The following RGS6 variants were observed in gnomAD, a reference collection of about 807,000 sequenced individuals.
RGS6 encodes regulator of G protein signaling 6.
RGS6 carries 30 observed loss-of-function variants against 78.5 expected under a neutral mutation model. The ratio of observed to expected loss-of-function variants is 0.38; its 90% CI spans 0.29 to 0.52. RGS6 has a LOEUF of 0.52. RGS6 is among the 20% of genes least tolerant of loss of function. The pLI is 0.85. For missense variants in RGS6, 495 were observed against 609.7 expected, an observed-to-expected ratio of 0.81 and a Z score of 1.98; for synonymous variants, 206 against 206.0, an observed-to-expected ratio of 1.00 and a Z score of 0.00.
the RGS6 span, among the ~76,000 whole-genome samples, chr14:71,888,418 C>CA: frequency 0.15 from 21,621 of 143,402 alleles, 2,744 homozygotes; most frequent in African/African-American, 0.34. Flanking sequence ...AGCTCTGTCT[C>CA]AAAAAAAAAA....
intron 8 of RGS6, among the ~76,000 whole-genome samples, chr14:72,470,879 C>CAAA (rs34084675): frequency 5.3e-5 from 6 of 112,524 alleles, no homozygotes; most frequent in African/African-American, 2.1e-4. Context: ...AACTCCCTCT[C>CAAA]AAAAAAAAAA....
chr14:72,544,888 C>T (rs1009031714), intron 17 of RGS6, among the ~76,000 whole-genome samples: 3 of 152,194 alleles, frequency 2.0e-5, no homozygotes, highest in Admixed American at 1.3e-4. Flanking sequence ...AGGTGCTGAC[C>T]GGAAGTGGAG....
intron 2 of RGS6, among the ~76,000 whole-genome samples, chr14:72,331,176 A>G (rs2074938176): frequency 6.8e-6 from 1 of 147,804 alleles, no homozygotes; most frequent in Admixed American, 6.9e-5. Context: ...CACCTGTTTC[A>G]TTTTCTCTTA....
intron 2 of RGS6, among the ~76,000 whole-genome samples, chr14:72,313,245 T>C (rs779097301): frequency 3.3e-5 from 5 of 152,124 alleles, no homozygotes; most frequent in African/African-American, 9.7e-5. Flanking sequence ...CAGTGCAAAA[T>C]GAAAATTCAG....
At position 72,364,991 on chromosome 14, in the gene RGS6, C is replaced by T. The variant is rs188863124; in HGVS notation, c.184+12797C>T. Among the ~76,000 whole-genome samples the T allele has an allele frequency of 2.1e-3, 321 of 152,284 alleles. 3 individuals are homozygous for T. The highest frequency in any genetic ancestry group is 7.4e-3 in the African/African-American group (306 of 41,546). ...TATCTTGCTGCAAGGCCCGTCTCTA[C>T]ACTGTCAAGTTACCACATTGAGTTG... On this transcript the variant is annotated intron_variant, in intron 3 of 17. Transcript: ENST00000553525.
chr14:72,111,212 A>G (rs947833901), intron 2 of RGS6, among the ~76,000 whole-genome samples: 1 of 152,200 alleles, frequency 6.6e-6, no homozygotes, highest in African/African-American at 2.4e-5. Context: ...AGTTACTGTA[A>G]AAAGAAATCG....
At position 72,397,664 on chromosome 14, in the gene RGS6, C is replaced by T. The variant is rs1253402823; in HGVS notation, c.184+45470C>T. ...GGAATGCTTCCAGTTTTTGTCCATT[C>T]AGTATGATATTGGCTGTGGGTTTGT... On this transcript the variant is annotated intron_variant, in intron 3 of 17. Coordinates refer to ENST00000553525, the MANE Select transcript of RGS6 (RefSeq NM_001204424.2). Among the ~76,000 whole-genome samples the T allele has an allele frequency of 5.3e-5, 8 of 152,296 alleles. No homozygotes were observed. In the South Asian group the frequency reaches 1.5e-3, roughly 28 times the overall value.
rs766016758 is a variant in RGS6 at position 72,562,419 on chromosome 14, A to C, written c.1425A>C (p.Gly475=). ...TSLEKFTRSV[G]KSLAGKRLTG... The stretch of plus-strand genomic sequence containing the variant: ...TCTCTGTCGCTGTCTCTCTGCAGGG[A>C]AAGTCGCTGGCGGGCAAGCGCCTCA... The change falls in exon 18 of 18, where the codon GGA becomes GGC. Residue 475 remains glycine, a splice_region_variant and synonymous_variant. Transcript: ENST00000553525. 1 of 1,612,820 alleles carries C rather than the reference A, an allele frequency of 6.2e-7. No homozygotes were observed. The highest frequency in any genetic ancestry group is 1.1e-5 in the South Asian group (1 of 91,086).
intron 2 of RGS6, among the ~76,000 whole-genome samples, chr14:72,213,995 T>C (rs1444252330): frequency 6.6e-6 from 1 of 152,122 alleles, no homozygotes; most frequent in Non-Finnish European, 1.5e-5. Flanking sequence ...TAGTTGTCAG[T>C]GAGGCCAATT....
rs548194753 is a variant in RGS6 at position 72,435,401 on chromosome 14, C to T, written c.185-19127C>T. 6.6e-3 allele frequency among the ~76,000 whole-genome samples: 1,003 copies of T among 152,288 alleles called. 10 individuals are homozygous for T. Among genetic ancestry groups the T allele is most frequent in the African/African-American group, 0.023 (947 of 41,548 alleles). ...CCTGCTTTGGCTGAGCACCTTGTTG[C>T]CCAGAATTAAACACTGTTTTACCAG... On this transcript the variant is annotated intron_variant, in intron 3 of 17. Coordinates refer to ENST00000553525, the MANE Select transcript of RGS6 (RefSeq NM_001204424.2).
the RGS6 span, among the ~76,000 whole-genome samples, chr14:72,607,456 C>G: frequency 6.6e-6 from 1 of 152,222 alleles, no homozygotes; most frequent in African/African-American, 2.4e-5. Flanking sequence ...TGCATGTGGA[C>G]TCTGCCCCCC....
intron 2 of RGS6, among the ~76,000 whole-genome samples, chr14:72,255,224 G>C (rs1374980339): frequency 1.3e-5 from 2 of 152,178 alleles, no homozygotes; most frequent in African/African-American, 2.4e-5. Context: ...CATAGAGGCT[G>C]TCCCCGGTTG....
intron 3 of RGS6, among the ~76,000 whole-genome samples, chr14:72,430,928 G>T (rs1354600670): frequency 6.6e-6 from 1 of 152,098 alleles, no homozygotes; most frequent in Admixed American, 6.5e-5. Context: ...CCTTTGTTCT[G>T]CTCTGCTTCA....
chr14:72,490,756 G>T lies in RGS6; in HGVS notation c.855-4396G>T, dbSNP rs545281692. Among the ~76,000 whole-genome samples the T allele has an allele frequency of 2.0e-5, 3 of 152,310 alleles. No individual in the cohort carries two copies. The South Asian group carries it at 6.2e-4, about 32-fold the overall frequency. ...CCTGGGACAGCGAGGAGGCTCTGAGGTGTCCGAAAATTTACATCCATCTTC... is the reference window on the plus strand; with the variant it reads ...CCTGGGACAGCGAGGAGGCTCTGAGTTGTCCGAAAATTTACATCCATCTTC... On this transcript the variant is annotated intron_variant, in intron 12 of 17. Coordinates refer to ENST00000553525, the MANE Select transcript of RGS6 (RefSeq NM_001204424.2).
At chr14:72,576,291 T>C in the RGS6 span, among the ~76,000 whole-genome samples, 1 of 152,210 alleles carries the variant, frequency 6.6e-6, no homozygotes, top group Non-Finnish European at 1.5e-5. Flanking sequence ...TACCCACATA[T>C]GGAGTTCCCA....
chr14:72,065,040 G>A (rs534332332), intron 2 of RGS6, among the ~76,000 whole-genome samples: 8 of 151,976 alleles, frequency 5.3e-5, no homozygotes, highest in South Asian at 2.1e-4. Context: ...TAAAATCCGC[G>A]GTGTTTTCAC....
chr14:72,487,900 G>C (rs1328068004), intron 12 of RGS6, among the ~76,000 whole-genome samples: 1 of 152,056 alleles, frequency 6.6e-6, no homozygotes, highest in Non-Finnish European at 1.5e-5. Flanking sequence ...AGAATCTGAA[G>C]GCCAAATTGT....
At chr14:71,976,828 A>G (rs1039107193) in intron 2 of RGS6, among the ~76,000 whole-genome samples, 6 of 149,264 alleles carry the variant, frequency 4.0e-5, no homozygotes, top group African/African-American at 1.5e-4. Flanking sequence ...ATCCCTGAGG[A>G]ATCACCACAC....
At chr14:72,114,738 C>T (rs1167994492) in intron 2 of RGS6, among the ~76,000 whole-genome samples, 1 of 152,160 alleles carries the variant, frequency 6.6e-6, no homozygotes, top group East Asian at 1.9e-4. Flanking sequence ...ATTAGGGAGA[C>T]AGAACTGACT....
Sources: gnomAD v4.1 joint callset for allele counts (sites outside exome capture counted in the v4.1 genomes callset) on GRCh38, gnomAD v4.1.1 for gene constraint, MANE v1.5 for transcripts, NCBI Gene and HGNC (gene_info 2026-07-23, HGNC 2026-07-21) for gene names.